Variants in HS3ST4 observed in about 807,000 individuals in gnomAD.
HS3ST4 encodes the protein heparan sulfate glucosamine 3-O-sulfotransferase 4.
A neutral mutation model predicts 29.2 loss-of-function variants in HS3ST4; 17 were observed. The ratio of observed to expected loss-of-function variants is 0.58; its 90% CI spans 0.40 to 0.87. HS3ST4 has a LOEUF of 0.87. HS3ST4 is among the 40% of genes least tolerant of loss of function. The probability of loss-of-function intolerance (pLI) is 0.00; values close to 1 mark genes in which losing one functional copy is unlikely to be tolerated. For synonymous variants in HS3ST4, 314 were observed against 285.7 expected (o/e 1.10, Z -1.00); for missense variants, 627 against 634.5 (o/e 0.99, Z 0.13).
At chr16:25,766,534 C>G (rs1479992491) in intron 1 of HS3ST4, among the ~76,000 whole-genome samples, 1 of 152,164 alleles carries the variant, frequency 6.6e-6, no homozygotes, top group Non-Finnish European at 1.5e-5. Context: ...CACTGTTTGA[C>G]TTTATTTAAT....
At chr16:25,727,227 A>G (rs981508187) in intron 1 of HS3ST4, among the ~76,000 whole-genome samples, 1 of 152,196 alleles carries the variant, frequency 6.6e-6, no homozygotes, top group African/African-American at 2.4e-5. Flanking sequence ...AAGACTGGAA[A>G]CCACCTAAGT....
chr16:25,925,487 C>T (rs533851190), intron 1 of HS3ST4, among the ~76,000 whole-genome samples: 3 of 152,210 alleles, frequency 2.0e-5, no homozygotes, highest in Non-Finnish European at 2.9e-5. Context: ...CAGATTACGC[C>T]GCGACGCTGT....
chr16:25,873,397 TCCATCCATCCATCCATCCAC>T (rs1967781576), intron 1 of HS3ST4, among the ~76,000 whole-genome samples: 1 of 133,154 alleles, frequency 7.5e-6, no homozygotes, highest in African/African-American at 2.8e-5. Context: ...CATCCATCCA[TCCATCCATCCATCCATCCAC>T]CCATCCATCC....
chr16:25,857,450 G>A (rs1021278074), intron 1 of HS3ST4, among the ~76,000 whole-genome samples: 4 of 152,140 alleles, frequency 2.6e-5, no homozygotes, highest in Non-Finnish European at 5.9e-5. Context: ...TTGTTTGAAT[G>A]AGCCCTATGT....
chr16:25,969,918 G>A (rs1024023459), intron 1 of HS3ST4, among the ~76,000 whole-genome samples: 1 of 152,184 alleles, frequency 6.6e-6, no homozygotes, highest in African/African-American at 2.4e-5. Flanking sequence ...ACAGCAGTCT[G>A]GGGCTTTCCC....
chr16:25,729,372 A>G (rs1966556595), intron 1 of HS3ST4, among the ~76,000 whole-genome samples: 1 of 152,196 alleles, frequency 6.6e-6, no homozygotes. Flanking sequence ...CAGCCTTGCT[A>G]TAAACGCCAC....
At chr16:25,857,749 C>T (rs1328176475) in intron 1 of HS3ST4, among the ~76,000 whole-genome samples, 4 of 152,084 alleles carry the variant, frequency 2.6e-5, no homozygotes, top group African/African-American at 9.7e-5. Context: ...ACATATAACA[C>T]ACACATATAC....
chr16:25,999,798 A>G (rs1232093219), intron 1 of HS3ST4, among the ~76,000 whole-genome samples: 2 of 138,122 alleles, frequency 1.4e-5, no homozygotes, highest in Admixed American at 7.9e-5. Flanking sequence ...TATTTTATAT[A>G]TATTATATGT....
intron 1 of HS3ST4, among the ~76,000 whole-genome samples, chr16:25,812,437 A>G (rs556495886): frequency 6.6e-6 from 1 of 152,280 alleles, no homozygotes; most frequent in Admixed American, 6.5e-5. Flanking sequence ...AAGTCTTACT[A>G]TTGCCTAATA....
chr16:25,829,185 A>G (rs1967268927), intron 1 of HS3ST4, among the ~76,000 whole-genome samples: 1 of 152,208 alleles, frequency 6.6e-6, no homozygotes. Context: ...ATAACACTTG[A>G]TTGGGAGAAG....
intron 1 of HS3ST4, among the ~76,000 whole-genome samples, chr16:25,921,370 T>G (rs1968351142): frequency 6.6e-6 from 1 of 152,268 alleles, no homozygotes; most frequent in Admixed American, 6.5e-5. Context: ...GGGGATAATC[T>G]TATCTGTTTC....
At position 26,026,207 on chromosome 16, in the gene HS3ST4, G is replaced by A. The variant is rs959016025; in HGVS notation, c.735-109405G>A. Among the ~76,000 whole-genome samples the A allele has an allele frequency of 7.2e-5, 11 of 152,060 alleles. No homozygotes were observed. The South Asian group carries it at 8.3e-4, about 11-fold the overall frequency. Reference sequence around the variant, plus strand: ...CAGGCGTGAGCCACCGCACCCGGCCGGAAACAACATCGTTTTTGAGAAACC... The same window carrying A: ...CAGGCGTGAGCCACCGCACCCGGCCAGAAACAACATCGTTTTTGAGAAACC... On this transcript the variant is annotated intron_variant, in intron 1 of 1. Coordinates refer to ENST00000331351, the MANE Select transcript of HS3ST4 (RefSeq NM_006040.3).
chr16:26,109,013 A>C (rs1304610356), intron 1 of HS3ST4, among the ~76,000 whole-genome samples: 1 of 152,176 alleles, frequency 6.6e-6, no homozygotes, highest in African/African-American at 2.4e-5. Context: ...AGAGACACAG[A>C]GTAACCTAGA....
rs192344115 is a variant in HS3ST4 at position 26,035,286 on chromosome 16, A to G, written c.735-100326A>G. Among the ~76,000 whole-genome samples the G allele has an allele frequency of 2.6e-5, 4 of 152,266 alleles. No individual in the cohort carries two copies. The East Asian group carries it at 7.7e-4, about 29-fold the overall frequency. ...CCACCTCTTTCTTCTCCTCTCACTTATATTTTGTACGTTTTTGACTTCAGA... is the reference window on the plus strand; with the variant it reads ...CCACCTCTTTCTTCTCCTCTCACTTGTATTTTGTACGTTTTTGACTTCAGA... On this transcript the variant is annotated intron_variant, in intron 1 of 1. Coordinates refer to ENST00000331351, the MANE Select transcript of HS3ST4 (RefSeq NM_006040.3).
At chr16:25,743,571 T>C (rs1441697935) in intron 1 of HS3ST4, among the ~76,000 whole-genome samples, 1 of 152,154 alleles carries the variant, frequency 6.6e-6, no homozygotes, top group East Asian at 1.9e-4. Flanking sequence ...AGTGGTACGA[T>C]ATCGGCTCAC....
chr16:26,076,969 G>T lies in HS3ST4; in HGVS notation c.735-58643G>T, dbSNP rs150606790. 1.1e-4 allele frequency among the ~76,000 whole-genome samples: 16 copies of T among 152,324 alleles called. No individual in the cohort carries two copies. In the East Asian group the frequency reaches 3.1e-3, roughly 29 times the overall value. On this transcript the variant is annotated intron_variant, in intron 1 of 1. Transcript: ENST00000331351. ...TATCTTGGTGTTGCAGCTAGCTAGTGCTGCATAACAAAATGTCCCAAAACT... is the reference window on the plus strand; with the variant it reads ...TATCTTGGTGTTGCAGCTAGCTAGTTCTGCATAACAAAATGTCCCAAAACT...
intron 1 of HS3ST4, among the ~76,000 whole-genome samples, chr16:26,047,949 G>A (rs1369390213): frequency 2.0e-5 from 3 of 152,202 alleles, no homozygotes; most frequent in Non-Finnish European, 2.9e-5. Flanking sequence ...AATGCTTGAG[G>A]AGAGGCATGA....
At chr16:26,110,946 T>C (rs1899120663) in intron 1 of HS3ST4, among the ~76,000 whole-genome samples, 1 of 152,188 alleles carries the variant, frequency 6.6e-6, no homozygotes, top group African/African-American at 2.4e-5. Flanking sequence ...TAGAGAGCCA[T>C]GTAGTTTGTC....
chr16:25,725,109 T>A (rs931155800), intron 1 of HS3ST4, among the ~76,000 whole-genome samples: 1 of 151,848 alleles, frequency 6.6e-6, no homozygotes, highest in Non-Finnish European at 1.5e-5. Context: ...AGGATACTTT[T>A]AATTCTACTA....
Sources: allele counts gnomAD v4.1 joint callset (sites outside exome capture counted in the v4.1 genomes callset), GRCh38; gene constraint gnomAD v4.1.1; transcripts MANE v1.5; gene names NCBI Gene and HGNC (gene_info 2026-07-23, HGNC 2026-07-21).